Variants in LRRIQ3 observed in about 807,000 individuals in gnomAD.
LRRIQ3 encodes leucine rich repeats and IQ motif containing 3.
Under a neutral mutation model 59.3 loss-of-function variants are expected in LRRIQ3, and 75 were observed. The ratio of observed to expected loss-of-function variants is 1.26; its 90% CI spans 1.05 to 1.53. LRRIQ3 has a LOEUF of 1.53. LRRIQ3 is among the 40% of genes most tolerant of loss of function. The pLI is 0.00. For synonymous variants in LRRIQ3, 250 were observed against 231.3 expected (o/e 1.08, Z -0.73); for missense variants, 831 against 710.0 (o/e 1.17, Z -1.94).
At chr1:74,154,279 A>AAAAG (rs1648187710) in intron 4 of LRRIQ3, among the ~76,000 whole-genome samples, 2 of 132,484 alleles carry the variant, frequency 1.5e-5, no homozygotes, top group African/African-American at 5.8e-5. Context: ...AAAAAAAAAA[A>AAAAG]TGTAATATCT....
chr1:74,161,155 C>T (rs534811613), intron 3 of LRRIQ3, among the ~76,000 whole-genome samples: 2 of 151,972 alleles, frequency 1.3e-5, no homozygotes, highest in East Asian at 1.9e-4. Context: ...TGTGTCCTCA[C>T]GTAATGGAAA....
chr1:74,055,315 C>G (rs112551264), intron 6 of LRRIQ3, among the ~76,000 whole-genome samples: 3 of 151,434 alleles, frequency 2.0e-5, no homozygotes, highest in African/African-American at 7.3e-5. Flanking sequence ...TTTTCATCAC[C>G]GTAGAAAGAA....
At chr1:74,039,123 G>A (rs1364127490) in intron 7 of LRRIQ3, among the ~76,000 whole-genome samples, 1 of 152,180 alleles carries the variant, frequency 6.6e-6, no homozygotes, top group Admixed American at 6.5e-5. Context: ...CCAGTTTAGA[G>A]AGGAACATAA....
intron 4 of LRRIQ3, among the ~76,000 whole-genome samples, chr1:74,142,986 A>C (rs901707242): frequency 9.2e-5 from 14 of 152,130 alleles, no homozygotes; most frequent in African/African-American, 3.4e-4. Flanking sequence ...AAGCAAACAC[A>C]CAAAATATTC....
chr1:74,132,403 C>A (rs1178770921), intron 4 of LRRIQ3, among the ~76,000 whole-genome samples: 1 of 152,120 alleles, frequency 6.6e-6, no homozygotes, highest in Non-Finnish European at 1.5e-5. Context: ...GCCCGCATTG[C>A]CAAGTCAATG....
intron 4 of LRRIQ3, among the ~76,000 whole-genome samples, chr1:74,140,142 A>T (rs539503102): frequency 6.6e-6 from 1 of 151,918 alleles, no homozygotes; most frequent in Non-Finnish European, 1.5e-5. Flanking sequence ...AAATTGTCAG[A>T]CTGGGTTTAA....
chr1:74,110,452 C>T (rs547164375), intron 4 of LRRIQ3, among the ~76,000 whole-genome samples: 3 of 151,988 alleles, frequency 2.0e-5, no homozygotes, highest in African/African-American at 4.8e-5. Flanking sequence ...TATATAAGTA[C>T]ACACAGGAAA....
chr1:74,103,632 G>T (rs1452069560), intron 5 of LRRIQ3, among the ~76,000 whole-genome samples: 1 of 151,812 alleles, frequency 6.6e-6, no homozygotes, highest in East Asian at 1.9e-4. Context: ...AAAAGAAGGT[G>T]ACCAGTTCCA....
intron 5 of LRRIQ3, among the ~76,000 whole-genome samples, chr1:74,099,541 C>A (rs937942385): frequency 5.9e-5 from 9 of 152,150 alleles, no homozygotes; most frequent in African/African-American, 2.2e-4. Flanking sequence ...AGGGAATCCT[C>A]CCTAACTCAT....
chr1:74,171,773 G>C (rs1649335883), intron 3 of LRRIQ3, among the ~76,000 whole-genome samples: 1 of 152,124 alleles, frequency 6.6e-6, no homozygotes, highest in African/African-American at 2.4e-5. Flanking sequence ...TCTCATTAGA[G>C]AGGAATTTGA....
intron 1 of LRRIQ3, among the ~76,000 whole-genome samples, chr1:74,193,575 C>A (rs1570292384): frequency 1.3e-5 from 2 of 151,924 alleles, no homozygotes; most frequent in African/African-American, 4.8e-5. Context: ...ATATTTATTT[C>A]TTTTCCAAAT....
chr1:74,155,745 C>A lies in LRRIQ3; in HGVS notation c.695G>T (p.Arg232Ile), dbSNP rs774386772. 1 of 1,568,320 alleles carries A rather than the reference C, an allele frequency of 6.4e-7. No individual in the cohort carries two copies. The highest frequency in any genetic ancestry group is 8.6e-7 in the Non-Finnish European group (1 of 1,165,774). Reference sequence around the variant, plus strand: ...AAACAAAACATACCTCAAATTTTTTCTAACTAAGAAACCACGTATCCATCT... The same window carrying A: ...AAACAAAACATACCTCAAATTTTTTATAACTAAGAAACCACGTATCCATCT... ...VQRWIRGFLV[R>I]KNLSPVFFHK... Residue 232 changes from arginine to isoleucine, a missense_variant, in exon 4 of 8, where the codon AGA becomes ATA. Arg to Ile is a moderately conservative substitution (Grantham distance 97). Transcript: ENST00000354431.
In LRRIQ3 at chr1:74,132,416, A is replaced by G. The variant is rs143952913; in HGVS notation, c.708-22863T>C. ...GAGCCCGCATTGCCAAGTCAATGCT[A>G]AGCCAAAAGAACAAAGCTGGAGGCG... On this transcript the variant is annotated intron_variant, in intron 4 of 7. Coordinates refer to ENST00000354431, the MANE Select transcript of LRRIQ3 (RefSeq NM_001105659.2). Among the ~76,000 whole-genome samples, 8 of 152,272 alleles carry G rather than the reference A, an allele frequency of 5.3e-5. 1 individual carries two copies. The South Asian group carries it at 1.7e-3, about 32-fold the overall frequency.
intron 3 of LRRIQ3, among the ~76,000 whole-genome samples, chr1:74,172,868 A>C (rs1557652798): frequency 6.6e-6 from 1 of 152,118 alleles, no homozygotes; most frequent in Non-Finnish European, 1.5e-5. Context: ...TTTTTTAATA[A>C]ATGTAGACAC....
chr1:74,030,874 C>G (rs558112840), intron 7 of LRRIQ3, among the ~76,000 whole-genome samples: 1 of 152,232 alleles, frequency 6.6e-6, no homozygotes, highest in East Asian at 1.9e-4. Flanking sequence ...TGACAAAGGG[C>G]TAATATCTAG....
chr1:74,156,689 TA>T (rs1648348907), intron 3 of LRRIQ3, among the ~76,000 whole-genome samples: 1 of 152,188 alleles, frequency 6.6e-6, no homozygotes, highest in Admixed American at 6.5e-5. Context: ...GTATAGTAGT[TA>T]AAAATTTTGT....
At chr1:74,042,742 C>A (rs898077627) in intron 6 of LRRIQ3, among the ~76,000 whole-genome samples, 2 of 152,018 alleles carry the variant, frequency 1.3e-5, no homozygotes, top group Non-Finnish European at 2.9e-5. Flanking sequence ...TTTGGACAGA[C>A]AAAATTACTA....
intron 4 of LRRIQ3, among the ~76,000 whole-genome samples, chr1:74,114,556 G>A (rs1023948562): frequency 1.4e-4 from 21 of 151,914 alleles, no homozygotes; most frequent in Non-Finnish European, 2.2e-4. Context: ...CTAACACAGT[G>A]AAACCCCATC....
chr1:74,067,796 C>T (rs116050764), intron 6 of LRRIQ3, among the ~76,000 whole-genome samples: 18 of 152,084 alleles, frequency 1.2e-4, no homozygotes, highest in Admixed American at 4.6e-4. Context: ...CTTAAGTTTG[C>T]GCCCTTGTCT....
Sources: allele counts gnomAD v4.1 joint callset (sites outside exome capture counted in the v4.1 genomes callset), GRCh38; gene constraint gnomAD v4.1.1; transcripts MANE v1.5; gene names NCBI Gene and HGNC (gene_info 2026-07-23, HGNC 2026-07-21).